SLC6A6: variants seen among roughly 807,000 people sequenced by gnomAD.
The protein encoded by SLC6A6 is sodium- and chloride-dependent taurine transporter.
SLC6A6 carries 16 observed loss-of-function variants against 68.8 expected under a neutral mutation model. The observed-to-expected ratio is 0.23, with a 90% CI of 0.16 to 0.35. The LOEUF (loss-of-function observed/expected upper bound fraction) is 0.35, where lower values mean the gene tolerates loss of function less well. Among genes scored for constraint, SLC6A6 ranks in the 10% least tolerant of loss-of-function variants. SLC6A6 has a pLI of 1.00. For missense variants in SLC6A6, 474 were observed against 802.8 expected (o/e 0.59, Z 4.95); for synonymous variants, 312 against 315.4 (o/e 0.99, Z 0.12).
Position 14,468,590 on chromosome 3 carries a change from C to T in SLC6A6, c.1096+378C>T, listed in dbSNP as rs62233578. Among the ~76,000 whole-genome samples, 1,992 of 152,218 alleles carry T rather than the reference C, an allele frequency of 0.013. 37 individuals are homozygous for T. The highest frequency in any genetic ancestry group is 0.06 in the East Asian group (310 of 5,160). ...CCAATCGGCATTCCATCACCACCTT[C>T]TCAGCCTTGGTTTCTGTATTTTGCA... On this transcript the variant is annotated intron_variant, in intron 9 of 14. Coordinates refer to ENST00000622186, the MANE Select transcript of SLC6A6 (RefSeq NM_003043.6). The surrounding 1 kb of genome is among the most constrained non-coding windows in gnomAD (Gnocchi z 4.5).
chr3:14,447,798 C>G lies in SLC6A6; in HGVS notation c.581C>G (p.Pro194Arg), dbSNP rs1700162601. ...ATCAGCTCCACCAACTTCACCTCCCCTGTCATCGAGTTCTGGGAGTAAGGC... is the reference window on the plus strand; with the variant it reads ...ATCAGCTCCACCAACTTCACCTCCCGTGTCATCGAGTTCTGGGAGTAAGGC... ...ITISSTNFTS[P>R]VIEFWERNVL... Residue 194 changes from proline to arginine, a missense_variant, in exon 5 of 15, where the codon CCT (proline) becomes CGT (arginine). This residue lies in a region of SLC6A6 where 280 missense variants were observed against 533.1 expected (regional missense o/e 0.53). Coordinates refer to ENST00000622186, the MANE Select transcript of SLC6A6 (RefSeq NM_003043.6). 1 of 1,614,086 alleles carries G rather than the reference C, an allele frequency of 6.2e-7. No homozygotes were observed. The highest frequency in any genetic ancestry group is 1.1e-5 in the South Asian group (1 of 91,084).
intron 1 of SLC6A6, among the ~76,000 whole-genome samples, chr3:14,415,352 G>C (rs1390561029): frequency 6.6e-6 from 1 of 152,204 alleles, no homozygotes; most frequent in East Asian, 1.9e-4. Context: ...AGGCTGCCGG[G>C]ACTGGCATTT....
intron 2 of SLC6A6, among the ~76,000 whole-genome samples, chr3:14,422,224 T>C (rs1260941912): frequency 6.6e-6 from 1 of 152,014 alleles, no homozygotes; most frequent in East Asian, 1.9e-4. Context: ...CAGGCACCCA[T>C]GAAGGAAGGT....
intron 1 of SLC6A6, among the ~76,000 whole-genome samples, chr3:14,409,702 C>G (rs1207993478): frequency 1.3e-5 from 2 of 152,210 alleles, no homozygotes; most frequent in African/African-American, 4.8e-5. Context: ...ATGGTTTATG[C>G]CAAGGCAGGC....
Position 14,468,305 on chromosome 3 carries a change from G to C in SLC6A6, c.1096+93G>C. 1.8e-6 allele frequency: 2 copies of C among 1,098,344 alleles called. No homozygotes were observed. Among genetic ancestry groups the C allele is most frequent in the Non-Finnish European group, 2.5e-6 (2 of 794,202 alleles). 68.0% of individuals were successfully genotyped at this position (1,098,344 alleles called of 1,614,324 possible). The stretch of plus-strand genomic sequence containing the variant: ...ATGAAGCCAGACCCCAGGGGGCTTT[G>C]AGGGGGGACGAGCCTGGTTTCTAAA... On this transcript the variant is annotated intron_variant, in intron 9 of 14. Transcript: ENST00000622186. This position sits in a 1 kb window ranked among gnomAD's most constrained non-coding sequence, Gnocchi z 4.5.
chr3:14,403,077 AGTGT>A (rs34547966), intron 1 of SLC6A6, among the ~76,000 whole-genome samples: 10,669 of 143,272 alleles, frequency 0.074, 527 homozygotes, highest in African/African-American at 0.13. Context: ...GCGGCAGGAG[AGTGT>A]GTGTGTGTGT....
At position 14,458,038 on chromosome 3, in the gene SLC6A6, G is replaced by T. The variant is rs200442035; in HGVS notation, c.688G>T (p.Val230Leu). The change falls in exon 6 of 15, where the codon GTG (valine) becomes TTG (leucine). Residue 230 changes from valine to leucine, a missense_variant. Transcript: ENST00000622186. Reference sequence around the variant, plus strand: ...TCTCTGCCTTCTTTTAGTCTGGCTAGTGTGTTTCTTCTGCATCTGGAAGGG... The same window carrying T: ...TCTCTGCCTTCTTTTAGTCTGGCTATTGTGTTTCTTCTGCATCTGGAAGGG... ...LALCLLLVWL[V>L]CFFCIWKGVR... The T allele has an allele frequency of 5.6e-6, 9 of 1,613,846 alleles. No homozygotes were observed. Among genetic ancestry groups the T allele is most frequent in the African/African-American group, 1.3e-5 (1 of 74,918 alleles).
chr3:14,476,593 T>C (rs1243519080), intron 10 of SLC6A6, among the ~76,000 whole-genome samples: 1 of 152,210 alleles, frequency 6.6e-6, no homozygotes, highest in Non-Finnish European at 1.5e-5. Flanking sequence ...ACTGTGTGAA[T>C]CTGACCTGAA....
rs1193385946 is a variant in SLC6A6 at position 14,468,982 on chromosome 3, C to T, written c.1096+770C>T. 1.3e-5 allele frequency among the ~76,000 whole-genome samples: 2 copies of T among 152,108 alleles called. No individual in the cohort carries two copies. Among genetic ancestry groups the T allele is most frequent in the Non-Finnish European group, 2.9e-5 (2 of 68,018 alleles). ...CTTCTGGAACCTGAGAATCATGGGG[C>T]CTTCAGTTGCTAGAATCTGCAATCT... On this transcript the variant is annotated intron_variant, in intron 9 of 14. Coordinates refer to ENST00000622186, the MANE Select transcript of SLC6A6 (RefSeq NM_003043.6). This position sits in a 1 kb window ranked among gnomAD's most constrained non-coding sequence, Gnocchi z 4.5.
chr3:14,424,256 C>T (rs1002911984), intron 2 of SLC6A6, among the ~76,000 whole-genome samples: 3 of 152,064 alleles, frequency 2.0e-5, no homozygotes, highest in African/African-American at 7.2e-5. Context: ...AAATGAGCTG[C>T]CCTCTGTCCA....
At position 14,445,732 on chromosome 3, in the gene SLC6A6, C is replaced by A; in HGVS notation, c.245C>A (p.Pro82Gln). ...YKNGGGAFLI[P>Q]YFIFLFGSGL... ...CTCTCTGCAGGTGCGTTTCTCATAC[C>A]GTATTTTATTTTCCTGTTTGGGAGC... The change falls in exon 4 of 15, where the codon CCG becomes CAG. Residue 82 changes from proline (P) to glutamine (Q), a missense_variant. Transcript: ENST00000622186. 1 of 1,614,176 alleles carries A rather than the reference C, an allele frequency of 6.2e-7. No individual in the cohort carries two copies. Among genetic ancestry groups the A allele is most frequent in the Non-Finnish European group, 8.5e-7 (1 of 1,180,002 alleles).
chr3:14,442,901 A>G (rs570228297), intron 2 of SLC6A6, among the ~76,000 whole-genome samples: 2 of 152,350 alleles, frequency 1.3e-5, no homozygotes, highest in East Asian at 1.9e-4. Flanking sequence ...ATGGGGATGA[A>G]CAAGCACACT....
chr3:14,451,825 CA>C (rs1294440744), intron 5 of SLC6A6, among the ~76,000 whole-genome samples: 2 of 152,180 alleles, frequency 1.3e-5, no homozygotes, highest in African/African-American at 4.8e-5. Context: ...TGAATCTTGT[CA>C]GGATTTTTTG....
At chr3:14,437,028 G>A (rs1275670183) in intron 2 of SLC6A6, among the ~76,000 whole-genome samples, 9 of 134,880 alleles carry the variant, frequency 6.7e-5, no homozygotes, top group Non-Finnish European at 1.4e-4. Context: ...ACAGACCTGG[G>A]GGGCATTTGG....
At chr3:14,442,279 G>C (rs1700007412) in intron 2 of SLC6A6, among the ~76,000 whole-genome samples, 1 of 152,212 alleles carries the variant, frequency 6.6e-6, no homozygotes, top group Non-Finnish European at 1.5e-5. Flanking sequence ...TGATCATGAA[G>C]ACAAACAAGT....
chr3:14,456,707 C>T (rs1211201955), intron 5 of SLC6A6, among the ~76,000 whole-genome samples: 2 of 152,112 alleles, frequency 1.3e-5, no homozygotes, highest in Non-Finnish European at 2.9e-5. Context: ...TGGGCAGGAG[C>T]TGTTATTCTC....
At chr3:14,439,934 T>A (rs1431235796) in intron 2 of SLC6A6, among the ~76,000 whole-genome samples, 1 of 152,080 alleles carries the variant, frequency 6.6e-6, no homozygotes, top group African/African-American at 2.4e-5. Context: ...CCCAGCGGAG[T>A]GACCTCAGGG....
intron 2 of SLC6A6, among the ~76,000 whole-genome samples, chr3:14,435,379 TGGGGTG>T (rs1699829113): frequency 6.6e-6 from 1 of 152,084 alleles, no homozygotes; most frequent in African/African-American, 2.4e-5. Flanking sequence ...CGTACTTTGG[TGGGGTG>T]GAGGTTGCAG....
chr3:14,478,175 G>A (rs1330373716), intron 11 of SLC6A6, among the ~76,000 whole-genome samples: 1 of 152,194 alleles, frequency 6.6e-6, no homozygotes, highest in Non-Finnish European at 1.5e-5. Flanking sequence ...CTGAGCAGCT[G>A]GGTGACCCTG....
Sources: gnomAD v4.1 joint callset for allele counts (sites outside exome capture counted in the v4.1 genomes callset) on GRCh38, gnomAD v4.1.1 for gene constraint, gnomAD v4.1.1 regional missense constraint, Gnocchi (gnomAD v3.1) non-coding constraint, MANE v1.5 for transcripts, NCBI Gene and HGNC (gene_info 2026-07-23, HGNC 2026-07-21) for gene names.